The following LRRTM4 variants were observed in gnomAD, a reference collection of about 807,000 sequenced individuals.
The protein encoded by LRRTM4 is leucine rich repeat transmembrane neuronal 4.
LRRTM4 carries 25 observed loss-of-function variants against 47.6 expected under a neutral mutation model. That is an observed-to-expected ratio of 0.53 (90% CI 0.38 to 0.73). The LOEUF is 0.73. Ranked by LOEUF, LRRTM4 falls within the 30% of genes least tolerant of loss-of-function variation. The pLI is 0.00. For synonymous variants in LRRTM4, 311 were observed against 269.5 expected (o/e 1.15, Z -1.51); for missense variants, 638 against 713.4 (o/e 0.89, Z 1.20).
At chr2:76,802,206 C>A (rs566302625) in intron 3 of LRRTM4, among the ~76,000 whole-genome samples, 185 of 146,788 alleles carry the variant, frequency 1.3e-3, no homozygotes, top group African/African-American at 4.4e-3. Flanking sequence ...ACGACATGAT[C>A]TTATATACAA....
chr2:77,514,435 G>A (rs558300808), intron 3 of LRRTM4, among the ~76,000 whole-genome samples: 4 of 151,984 alleles, frequency 2.6e-5, no homozygotes, highest in African/African-American at 9.6e-5. Context: ...TGTTAGAAAT[G>A]GTTTATACCA....
At chr2:76,971,750 A>AT (rs1403890965) in intron 3 of LRRTM4, among the ~76,000 whole-genome samples, 1 of 151,910 alleles carries the variant, frequency 6.6e-6, no homozygotes, top group East Asian at 1.9e-4. Flanking sequence ...TTCAGTGATA[A>AT]TTTTTTTTCA....
intron 3 of LRRTM4, among the ~76,000 whole-genome samples, chr2:77,038,697 G>A (rs1290367998): frequency 6.6e-6 from 1 of 151,504 alleles, no homozygotes; most frequent in Non-Finnish European, 1.5e-5. Context: ...TGCAAAGCCA[G>A]ATTTCAAGAA....
At chr2:77,457,002 GTGTATATATATA>G (rs1357954772) in intron 3 of LRRTM4, among the ~76,000 whole-genome samples, 2 of 12,590 alleles carry the variant, frequency 1.6e-4, no homozygotes, top group African/African-American at 7.6e-4. Flanking sequence ...ATGTGTGTGT[GTGTATATATATA>G]TATATATATA....
chr2:76,845,080 G>A (rs1441995887), intron 3 of LRRTM4, among the ~76,000 whole-genome samples: 3 of 152,060 alleles, frequency 2.0e-5, no homozygotes, highest in Non-Finnish European at 2.9e-5. Context: ...GAGAATGGGC[G>A]TTTTGTGATT....
intron 3 of LRRTM4, among the ~76,000 whole-genome samples, chr2:77,459,979 A>G (rs1465945631): frequency 6.6e-6 from 1 of 150,564 alleles, no homozygotes; most frequent in Non-Finnish European, 1.5e-5. Context: ...GTCCCAATCT[A>G]TTCTAAGATC....
At chr2:77,168,131 G>A (rs1303770256) in intron 3 of LRRTM4, among the ~76,000 whole-genome samples, 1 of 151,994 alleles carries the variant, frequency 6.6e-6, no homozygotes, top group African/African-American at 2.4e-5. Context: ...AATTCTAAAT[G>A]GAATCCGGTG....
chr2:77,417,991 C>T (rs970013857), intron 3 of LRRTM4, among the ~76,000 whole-genome samples: 1 of 152,046 alleles, frequency 6.6e-6, no homozygotes, highest in African/African-American at 2.4e-5. Context: ...AAAGAGAGAA[C>T]AAAATCATAT....
At chr2:77,375,265 GTTTTTATAAGTA>G (rs1672791102) in intron 3 of LRRTM4, among the ~76,000 whole-genome samples, 1 of 151,446 alleles carries the variant, frequency 6.6e-6, no homozygotes, top group Non-Finnish European at 1.5e-5. Flanking sequence ...CTATTATCAG[GTTTTTATAAGTA>G]TTTTTGATAT....
chr2:77,452,706 G>A (rs58933359), intron 3 of LRRTM4, among the ~76,000 whole-genome samples: 287 of 152,040 alleles, frequency 1.9e-3, no homozygotes, highest in African/African-American at 6.5e-3. Context: ...CATTTTGCAC[G>A]GCGCCCTGCA....
intron 3 of LRRTM4, among the ~76,000 whole-genome samples, chr2:77,085,887 C>T (rs1680693519): frequency 6.6e-6 from 1 of 152,036 alleles, no homozygotes; most frequent in Admixed American, 6.6e-5. Flanking sequence ...TCCTGTTGGC[C>T]TATTTCTAGC....
At chr2:77,515,032 T>G (rs1375592341) in intron 3 of LRRTM4, among the ~76,000 whole-genome samples, 1 of 151,936 alleles carries the variant, frequency 6.6e-6, no homozygotes, top group Non-Finnish European at 1.5e-5. Flanking sequence ...CTGTATCCTT[T>G]TGGCTTTAAA....
At chr2:77,437,158 T>A (rs775635059) in intron 3 of LRRTM4, among the ~76,000 whole-genome samples, 3 of 152,052 alleles carry the variant, frequency 2.0e-5, no homozygotes, top group Non-Finnish European at 2.9e-5. Context: ...TCTAGTTAGC[T>A]AAATTTGACG....
chr2:77,377,923 A>C (rs991133637), intron 3 of LRRTM4, among the ~76,000 whole-genome samples: 1 of 151,944 alleles, frequency 6.6e-6, no homozygotes, highest in Non-Finnish European at 1.5e-5. Flanking sequence ...TCAACCTATT[A>C]ATCTTTTAAA....
chr2:77,024,048 T>C (rs538571069), intron 3 of LRRTM4, among the ~76,000 whole-genome samples: 1 of 152,182 alleles, frequency 6.6e-6, no homozygotes, highest in East Asian at 1.9e-4. Flanking sequence ...TACATGGCAG[T>C]GGCAAGAGAA....
chr2:77,375,220 C>T (rs559818509), intron 3 of LRRTM4, among the ~76,000 whole-genome samples: 2 of 151,692 alleles, frequency 1.3e-5, no homozygotes, highest in African/African-American at 2.4e-5. Flanking sequence ...GTAAATTCTA[C>T]TAGGAACAGT....
chr2:77,033,881 C>A (rs1188177771), intron 3 of LRRTM4, among the ~76,000 whole-genome samples: 2 of 151,870 alleles, frequency 1.3e-5, no homozygotes, highest in South Asian at 2.1e-4. Flanking sequence ...ACTTACACTG[C>A]AGATGTTCAG....
intron 3 of LRRTM4, among the ~76,000 whole-genome samples, chr2:77,505,187 T>C (rs1221949627): frequency 6.6e-6 from 1 of 151,040 alleles, no homozygotes; most frequent in Non-Finnish European, 1.5e-5. Flanking sequence ...ATTCCAGAAA[T>C]ACAAATAACA....
rs189287745 is a variant in LRRTM4, at chr2:77,458,511, C to T, written c.1551+59807G>A. ...AAGCAGCACTGTGGCAGGGTTGTCCCGTGGAATTGACTCCAGTGTTTGGTA... is the reference window on the plus strand; with the variant it reads ...AAGCAGCACTGTGGCAGGGTTGTCCTGTGGAATTGACTCCAGTGTTTGGTA... On this transcript the variant is annotated intron_variant, in intron 3 of 3. Transcript: ENST00000409884. Among the ~76,000 whole-genome samples the T allele has an allele frequency of 4.6e-5, 7 of 152,090 alleles. No individual in the cohort carries two copies. In the South Asian group the frequency reaches 8.3e-4, roughly 18 times the overall value.
Sources: gnomAD v4.1 joint callset for allele counts (sites outside exome capture counted in the v4.1 genomes callset) on GRCh38, gnomAD v4.1.1 for gene constraint, MANE v1.5 for transcripts, NCBI Gene and HGNC (gene_info 2026-07-23, HGNC 2026-07-21) for gene names.